The following HECW1 variants were observed in gnomAD, a reference collection of about 807,000 sequenced individuals.
The protein encoded by HECW1 is HECT, C2 and WW domain containing E3 ubiquitin protein ligase 1.
In HECW1, 61 loss-of-function variants were observed where a neutral mutation model predicts 182.3. The observed-to-expected ratio is 0.33, with a 90% CI of 0.27 to 0.41. The LOEUF (loss-of-function observed/expected upper bound fraction) is 0.41. Among genes scored for constraint, HECW1 ranks in the 10% least tolerant of loss-of-function variants. The pLI, the probability that HECW1 is intolerant of heterozygous loss-of-function variation, is 1.00. For synonymous variants in HECW1, 859 were observed against 832.6 expected (o/e 1.03, Z -0.55); for missense variants, 1,739 against 2,108.9 (o/e 0.82, Z 3.44).
chr7:43,310,502 G>A (rs144490670), intron 3 of HECW1, among the ~76,000 whole-genome samples: 3 of 152,332 alleles, frequency 2.0e-5, no homozygotes, highest in Non-Finnish European at 4.4e-5. Context: ...CATCAGTAGG[G>A]CCAAAGGAAT....
chr7:43,230,854 T>G (rs1206600039), intron 2 of HECW1, among the ~76,000 whole-genome samples: 2 of 152,098 alleles, frequency 1.3e-5, no homozygotes, highest in African/African-American at 4.8e-5. Context: ...TTCATACAAC[T>G]TCTCTGTAAG....
intron 26 of HECW1, among the ~76,000 whole-genome samples, chr7:43,542,370 T>G (rs1384551644): frequency 2.0e-5 from 3 of 152,164 alleles, no homozygotes; most frequent in Non-Finnish European, 2.9e-5. Flanking sequence ...GTGTCTGAAT[T>G]TACTTCCCTT....
chr7:43,443,991 C>A (rs1439853279), intron 10 of HECW1, among the ~76,000 whole-genome samples: 1 of 152,078 alleles, frequency 6.6e-6, no homozygotes, highest in Non-Finnish European at 1.5e-5. Context: ...CTTTTTGAAT[C>A]GTATTTCGGA....
chr7:43,311,622 C>G (rs1808518391), intron 3 of HECW1, 141 bp from the exon 4 acceptor site: 3 of 820,994 alleles, frequency 3.7e-6, no homozygotes, highest in Non-Finnish European at 6.4e-6. Flanking sequence ...GGAAGATGCT[C>G]TATGCCATGT....
At chr7:43,478,182 C>T (rs2078289373) in intron 16 of HECW1, among the ~76,000 whole-genome samples, 2 of 152,084 alleles carry the variant, frequency 1.3e-5, no homozygotes, top group African/African-American at 2.4e-5. Context: ...TTTGGGAGGG[C>T]GAGGTGGGCA....
chr7:43,293,206 C>T (rs1311927492), intron 3 of HECW1, among the ~76,000 whole-genome samples: 1 of 117,736 alleles, frequency 8.5e-6, no homozygotes, highest in African/African-American at 3.8e-5. Flanking sequence ...GGCGACACAG[C>T]GAGACTATGT....
At chr7:43,305,590 T>G (rs1172496844) in intron 3 of HECW1, among the ~76,000 whole-genome samples, 1 of 151,524 alleles carries the variant, frequency 6.6e-6, no homozygotes, top group African/African-American at 2.4e-5. Flanking sequence ...AGTGTTTTGT[T>G]GTTGTTGTTG....
intron 29 of HECW1, among the ~76,000 whole-genome samples, chr7:43,559,932 G>T (rs1467556998): frequency 1.3e-5 from 2 of 152,154 alleles, no homozygotes; most frequent in Non-Finnish European, 2.9e-5. Context: ...GGTGCTATTC[G>T]TCAATGCTTT....
intron 21 of HECW1, among the ~76,000 whole-genome samples, chr7:43,504,581 T>C (rs2079502644): frequency 6.6e-6 from 1 of 152,254 alleles, no homozygotes; most frequent in Non-Finnish European, 1.5e-5. Context: ...CCCCCACTTC[T>C]GCAATCAGGC....
chr7:43,472,344 C>T (rs1156440267), intron 16 of HECW1, among the ~76,000 whole-genome samples: 1 of 152,212 alleles, frequency 6.6e-6, no homozygotes, highest in Non-Finnish European at 1.5e-5. Context: ...GCCATGTGCT[C>T]CCCCATGTCA....
rs147011884 is a variant in HECW1 at position 43,178,069 on chromosome 7, G to T, written c.-32+63678G>T. 9.2e-4 allele frequency among the ~76,000 whole-genome samples: 140 copies of T among 152,274 alleles called. 4 individuals are homozygous for T. The East Asian group carries it at 0.023, about 25-fold the overall frequency. ...CTGTCACCCAGGCTGGAGTGCAGTG[G>T]CATGATCTTGACTCACTGCAAACTC... On this transcript the variant is annotated intron_variant, in intron 2 of 29. Coordinates refer to ENST00000395891, the MANE Select transcript of HECW1 (RefSeq NM_015052.5).
chr7:43,544,390 A>G (rs1419939011), intron 26 of HECW1, among the ~76,000 whole-genome samples: 3 of 152,216 alleles, frequency 2.0e-5, no homozygotes, highest in African/African-American at 7.2e-5. Context: ...CTCATTTACA[A>G]TTTTTTAAAA....
At chr7:43,204,567 C>T (rs1299917202) in intron 2 of HECW1, among the ~76,000 whole-genome samples, 1 of 152,084 alleles carries the variant, frequency 6.6e-6, no homozygotes, top group African/African-American at 2.4e-5. Flanking sequence ...AACTTTTGGC[C>T]CAGCTTGGAA....
chr7:43,278,301 C>A (rs974901607), intron 3 of HECW1, among the ~76,000 whole-genome samples: 4 of 152,146 alleles, frequency 2.6e-5, no homozygotes, highest in Non-Finnish European at 5.9e-5. Flanking sequence ...CCTGTGGTGT[C>A]ATCCTTGACT....
At chr7:43,121,400 T>C (rs1028486520) in intron 2 of HECW1, among the ~76,000 whole-genome samples, 1 of 152,190 alleles carries the variant, frequency 6.6e-6, no homozygotes, top group South Asian at 2.1e-4. Flanking sequence ...TAGGCTGGCA[T>C]CGTCGGGCTG....
At chr7:43,238,216 C>T (rs1454072676) in intron 2 of HECW1, among the ~76,000 whole-genome samples, 2 of 152,160 alleles carry the variant, frequency 1.3e-5, no homozygotes, top group African/African-American at 4.8e-5. Context: ...GGCTGAGCAG[C>T]AATAAAGCGC....
intron 2 of HECW1, among the ~76,000 whole-genome samples, chr7:43,237,077 G>C (rs895135535): frequency 6.6e-6 from 1 of 151,188 alleles, no homozygotes; most frequent in African/African-American, 2.4e-5. Context: ...GAAGGAGGGA[G>C]GGAGGGAGGA....
chr7:43,447,884 G>A (rs111915807), intron 11 of HECW1, among the ~76,000 whole-genome samples: 22,667 of 152,158 alleles, frequency 0.15, 2,106 homozygotes, highest in South Asian at 0.21. Context: ...CCAGCACTTT[G>A]GGAGGCCGAG....
Position 43,508,844 on chromosome 7 carries a change from G to C in HECW1, c.3867-125G>C, listed in dbSNP as rs368497230. 7.0e-5 allele frequency: 64 copies of C among 918,404 alleles called. No individual in the cohort carries two copies. In the East Asian group the frequency reaches 1.3e-3, roughly 19 times the overall value. 56.9% of individuals were successfully genotyped at this position (918,404 alleles called of 1,614,324 possible). On this transcript the variant is annotated intron_variant, in intron 23 of 29. Transcript: ENST00000395891. ...CTGCCATTGGCATTCACTCCAAAGA[G>C]CAGAGGCTGCTCTCTGCTTTCCCCA...
Sources: gnomAD v4.1 joint callset for allele counts (sites outside exome capture counted in the v4.1 genomes callset) on GRCh38, gnomAD v4.1.1 for gene constraint, MANE v1.5 for transcripts, NCBI Gene and HGNC (gene_info 2026-07-23, HGNC 2026-07-21) for gene names.